AGMO: variants seen among roughly 807,000 people sequenced by gnomAD.
AGMO encodes the protein glyceryl-ether monooxygenase.
A neutral mutation model predicts 60.2 loss-of-function variants in AGMO; 75 were observed. The ratio of observed to expected loss-of-function variants is 1.25; its 90% CI spans 1.03 to 1.51. The LOEUF is 1.51. Among genes scored for constraint, AGMO ranks in the 40% most tolerant of loss-of-function variants. The pLI, the probability that AGMO is intolerant of heterozygous loss-of-function variation, is 0.00. For synonymous variants in AGMO, 261 were observed against 177.1 expected (o/e 1.47, Z -3.76); for missense variants, 763 against 525.5 (o/e 1.45, Z -4.42).
chr7:15,486,232 C>A (rs1226024884), intron 3 of AGMO, among the ~76,000 whole-genome samples: 2 of 152,008 alleles, frequency 1.3e-5, no homozygotes, highest in African/African-American at 2.4e-5. Context: ...CTCAGTGGGT[C>A]CAGGAGCAAC....
intron 3 of AGMO, among the ~76,000 whole-genome samples, chr7:15,517,669 G>T (rs957207912): frequency 6.6e-6 from 1 of 152,078 alleles, no homozygotes; most frequent in East Asian, 1.9e-4. Flanking sequence ...TTCGCAACCC[G>T]CAGACCAGGA....
chr7:15,512,600 T>C (rs1457914564), intron 3 of AGMO, among the ~76,000 whole-genome samples: 3 of 152,182 alleles, frequency 2.0e-5, no homozygotes, highest in African/African-American at 7.2e-5. Flanking sequence ...CAACTAGAGG[T>C]TTGCCTACAT....
At chr7:15,265,522 G>C (rs1452037571) in intron 12 of AGMO, among the ~76,000 whole-genome samples, 1 of 151,782 alleles carries the variant, frequency 6.6e-6, no homozygotes, top group African/African-American at 2.4e-5. Context: ...TTTATAAGCA[G>C]ATCAAAAGAT....
the AGMO span, among the ~76,000 whole-genome samples, chr7:15,181,992 C>T: frequency 6.6e-6 from 1 of 152,150 alleles, no homozygotes; most frequent in African/African-American, 2.4e-5. Flanking sequence ...AAAGGACAAA[C>T]AGAATTTGGT....
chr7:15,201,227 A>T lies in AGMO; in HGVS notation c.*58T>A, dbSNP rs942093500. 38 of 1,049,056 alleles carry T rather than the reference A, an allele frequency of 3.6e-5. No individual in the cohort carries two copies. The highest frequency in any genetic ancestry group is 4.9e-5 in the Non-Finnish European group (35 of 718,170). 65.0% of individuals were successfully genotyped at this position (1,049,056 alleles called of 1,614,324 possible). A position where few individuals can be genotyped will look rare whatever the true frequency, so the allele number is the denominator to read the frequency against. ...ATAAAATAATTACATTTTAATATGC[A>T]GTCATAATATGCGTGTGGACAACTC... is the stretch of plus-strand genomic sequence containing the variant. On this transcript the variant is annotated 3_prime_UTR_variant, in exon 13 of 13. Transcript: ENST00000342526.
chr7:15,346,443 T>G (rs1008850930), intron 12 of AGMO, among the ~76,000 whole-genome samples: 1 of 152,192 alleles, frequency 6.6e-6, no homozygotes, highest in African/African-American at 2.4e-5. Context: ...TGTTTTGTGC[T>G]TAGGATTTAA....
intron 12 of AGMO, among the ~76,000 whole-genome samples, chr7:15,284,490 G>A (rs1414719424): frequency 6.6e-6 from 1 of 151,938 alleles, no homozygotes; most frequent in East Asian, 1.9e-4. Context: ...ATAAGCTCTT[G>A]GAAACGTACA....
intron 12 of AGMO, among the ~76,000 whole-genome samples, chr7:15,337,280 A>C (rs548699176): frequency 1.2e-3 from 180 of 152,348 alleles, no homozygotes; most frequent in African/African-American, 3.9e-3. Context: ...TGCAAGAAGG[A>C]AGGCCTTAAG....
intron 5 of AGMO, among the ~76,000 whole-genome samples, chr7:15,402,639 AAT>A (rs1174276278): frequency 6.8e-6 from 1 of 147,650 alleles, no homozygotes; most frequent in East Asian, 1.9e-4. Context: ...ATTAAATATA[AAT>A]ATATATTAAC....
intron 3 of AGMO, among the ~76,000 whole-genome samples, chr7:15,539,243 G>T (rs1784557589): frequency 6.6e-6 from 1 of 151,872 alleles, no homozygotes; most frequent in Non-Finnish European, 1.5e-5. Flanking sequence ...TCATCACCTG[G>T]GTAATAAGCA....
intron 12 of AGMO, among the ~76,000 whole-genome samples, chr7:15,304,365 T>C (rs1472599507): frequency 6.6e-6 from 1 of 151,998 alleles, no homozygotes; most frequent in Non-Finnish European, 1.5e-5. Flanking sequence ...CAAACAGCTG[T>C]GGAAGGGAAG....
At chr7:15,363,341 G>A (rs12699708) in intron 12 of AGMO, among the ~76,000 whole-genome samples, 92,938 of 152,014 alleles carry the variant, frequency 0.61, 29,273 homozygotes, top group African/African-American at 0.78. Flanking sequence ...TAAAATAACA[G>A]TAACAACAGT....
At chr7:15,243,604 A>T (rs1462933094) in intron 12 of AGMO, among the ~76,000 whole-genome samples, 2 of 152,180 alleles carry the variant, frequency 1.3e-5, no homozygotes, top group African/African-American at 4.8e-5. Flanking sequence ...CAGTGATCAA[A>T]ACACATACCA....
intron 3 of AGMO, among the ~76,000 whole-genome samples, chr7:15,499,065 A>C (rs1783309526): frequency 6.6e-6 from 1 of 151,894 alleles, no homozygotes; most frequent in Admixed American, 6.6e-5. Context: ...AAAACACTTA[A>C]AGTTCCAAGT....
intron 10 of AGMO, among the ~76,000 whole-genome samples, chr7:15,378,610 A>AC (rs1446090172): frequency 6.6e-6 from 1 of 151,826 alleles, no homozygotes; most frequent in Non-Finnish European, 1.5e-5. Context: ...AGACTTTACT[A>AC]CCCCACTGAC....
intron 12 of AGMO, among the ~76,000 whole-genome samples, chr7:15,294,655 TTAA>T (rs1455653033): frequency 6.6e-6 from 1 of 151,940 alleles, no homozygotes; most frequent in African/African-American, 2.4e-5. Context: ...GCTGATTGCT[TTAA>T]AGGTGTTAAG....
chr7:15,274,403 T>C (rs1783715943), intron 12 of AGMO, among the ~76,000 whole-genome samples: 1 of 152,200 alleles, frequency 6.6e-6, no homozygotes, highest in Non-Finnish European at 1.5e-5. Context: ...TCGTTCTGTT[T>C]ATATGCTGGA....
At chr7:15,494,797 A>C (rs1419836214) in intron 3 of AGMO, among the ~76,000 whole-genome samples, 1 of 152,222 alleles carries the variant, frequency 6.6e-6, no homozygotes, top group Non-Finnish European at 1.5e-5. Flanking sequence ...TACCAGAATA[A>C]ATATAGTGTC....
chr7:15,267,554 T>A (rs559250860), intron 12 of AGMO, among the ~76,000 whole-genome samples: 2 of 152,000 alleles, frequency 1.3e-5, no homozygotes, highest in Non-Finnish European at 2.9e-5. Flanking sequence ...ACAAATTGGA[T>A]TACACTGGTC....
Sources: gnomAD v4.1 joint callset for allele counts (sites outside exome capture counted in the v4.1 genomes callset) on GRCh38, gnomAD v4.1.1 for gene constraint, MANE v1.5 for transcripts, NCBI Gene and HGNC (gene_info 2026-07-23, HGNC 2026-07-21) for gene names.